Variants in RIMS2 observed in about 807,000 individuals in gnomAD.
The protein encoded by RIMS2 is regulating synaptic membrane exocytosis 2, also known as regulating synaptic membrane exocytosis protein 2.
A neutral mutation model predicts 174.4 loss-of-function variants in RIMS2; 59 were observed. That is an observed-to-expected ratio of 0.34 (90% CI 0.27 to 0.42). RIMS2 has a LOEUF of 0.42. RIMS2 is among the 10% of genes least tolerant of loss of function. The pLI is 1.00. For synonymous variants in RIMS2, 606 were observed against 572.5 expected (o/e 1.06, Z -0.84); for missense variants, 1,620 against 1,666.3 (o/e 0.97, Z 0.48).
At chr8:104,224,307 C>G (rs1049155665) in intron 19 of RIMS2, among the ~76,000 whole-genome samples, 2 of 152,142 alleles carry the variant, frequency 1.3e-5, no homozygotes, top group African/African-American at 2.4e-5. Flanking sequence ...AGTTTGTGCT[C>G]AAGGCACAAT....
chr8:103,893,754 A>G (rs112178454), intron 4 of RIMS2, among the ~76,000 whole-genome samples: 1,758 of 152,136 alleles, frequency 0.012, 43 homozygotes, highest in African/African-American at 0.04. Context: ...CGGTTCTTTC[A>G]TTGATACTTT....
intron 20 of RIMS2, 99 bp downstream of exon 26, chr8:104,245,156 C>T (rs1421555621): frequency 8.2e-7 from 1 of 1,213,296 alleles, no homozygotes; most frequent in Non-Finnish European, 1.2e-6. Context: ...CTCTTCAGAA[C>T]CACTTTAATT....
chr8:103,650,836 AG>A (rs1211839071), intron 1 of RIMS2, among the ~76,000 whole-genome samples: 9 of 152,224 alleles, frequency 5.9e-5, no homozygotes, highest in African/African-American at 2.2e-4. Context: ...GTCCTGACTC[AG>A]GCAGACTCCA....
intron 19 of RIMS2, among the ~76,000 whole-genome samples, chr8:104,224,260 T>G (rs980002666): frequency 3.9e-5 from 6 of 152,164 alleles, no homozygotes; most frequent in Admixed American, 1.3e-4. Flanking sequence ...GGTTACACAG[T>G]GGACAGACAG....
chr8:103,774,556 T>C (rs780327646), intron 3 of RIMS2, among the ~76,000 whole-genome samples: 2 of 152,164 alleles, frequency 1.3e-5, no homozygotes, highest in Non-Finnish European at 2.9e-5. Context: ...CTCAAAATCA[T>C]TGTGATGAAT....
chr8:103,794,279 C>T (rs2098530883), intron 3 of RIMS2, among the ~76,000 whole-genome samples: 2 of 152,062 alleles, frequency 1.3e-5, no homozygotes, highest in South Asian at 4.1e-4. Flanking sequence ...AAGAATACCA[C>T]ACATCTAAAA....
At chr8:103,660,293 C>T (rs916375531) in intron 1 of RIMS2, among the ~76,000 whole-genome samples, 4 of 152,232 alleles carry the variant, frequency 2.6e-5, no homozygotes, top group Non-Finnish European at 4.4e-5. Flanking sequence ...ACCACAAGAT[C>T]ATGGCGGGCA....
chr8:103,671,695 A>C (rs1593492), intron 1 of RIMS2, among the ~76,000 whole-genome samples: 26,831 of 152,198 alleles, frequency 0.18, 2,569 homozygotes, highest in African/African-American at 0.24. Flanking sequence ...CAAAGACACA[A>C]GTGAGAAGAA....
At chr8:103,515,318 T>G (rs1161942866) in intron 1 of RIMS2, among the ~76,000 whole-genome samples, 1 of 152,214 alleles carries the variant, frequency 6.6e-6, no homozygotes, top group African/African-American at 2.4e-5. Context: ...TCATATTCAT[T>G]AATATACTTT....
chr8:103,810,048 C>T (rs2098676814), intron 3 of RIMS2, among the ~76,000 whole-genome samples: 1 of 152,084 alleles, frequency 6.6e-6, no homozygotes, highest in Non-Finnish European at 1.5e-5. Flanking sequence ...TACACAAATC[C>T]CTTATGTCCT....
chr8:103,825,453 T>TTTTTG (rs2098783719), intron 3 of RIMS2, among the ~76,000 whole-genome samples: 1 of 149,946 alleles, frequency 6.7e-6, no homozygotes, highest in South Asian at 2.1e-4. Flanking sequence ...CTAATTTTTT[T>TTTTTG]TTTTTTTTTT....
chr8:104,173,829 A>G (rs1252532271), intron 19 of RIMS2, among the ~76,000 whole-genome samples: 1 of 150,788 alleles, frequency 6.6e-6, no homozygotes, highest in Non-Finnish European at 1.5e-5. Context: ...GGGGTTTCAC[A>G]GTGTTAGCCA....
intron 1 of RIMS2, among the ~76,000 whole-genome samples, chr8:103,640,674 G>T (rs1257699485): frequency 1.3e-5 from 2 of 151,912 alleles, no homozygotes; most frequent in South Asian, 2.1e-4. Context: ...CACTATAGTT[G>T]TGCTGTTAAT....
rs149126290 is a variant in RIMS2 at position 104,093,392 on chromosome 8, A to G, written c.3334+78777A>G. 1.0e-3 allele frequency: 1,051 copies of G among 1,016,060 alleles called. 7 individuals are homozygous for G. In the African/African-American group the frequency reaches 0.016, roughly 16 times the overall value. The allele number at this position is 1,016,060 out of a possible 1,614,324, so 62.9% of individuals were successfully genotyped here. On this transcript the variant is annotated intron_variant, in intron 19 of 23. Transcript: ENST00000504942. ...GTTTCCTCTGTGGACAATTAAAGTG[A>G]TGAAATAGGAGAAAGCTAATAATTG...
At chr8:103,832,443 T>G (rs1227056776) in intron 3 of RIMS2, among the ~76,000 whole-genome samples, 2 of 152,162 alleles carry the variant, frequency 1.3e-5, no homozygotes, top group African/African-American at 4.8e-5. Context: ...GGTAAACTTA[T>G]GTCATGGGGG....
At chr8:104,189,870 T>C (rs555120751) in intron 19 of RIMS2, among the ~76,000 whole-genome samples, 2 of 152,092 alleles carry the variant, frequency 1.3e-5, no homozygotes, top group East Asian at 3.9e-4. Flanking sequence ...ATATCAGAGC[T>C]GGAAGGGACC....
intron 19 of RIMS2, among the ~76,000 whole-genome samples, chr8:104,186,027 T>C (rs79831828): frequency 0.012 from 1,746 of 151,674 alleles, 35 homozygotes; most frequent in African/African-American, 0.041. Flanking sequence ...TATATACATA[T>C]ATATATGGAG....
rs1255281211 is a variant in RIMS2, at chr8:104,173,721, C to T, written c.3335-71195C>T. 1.0e-3 allele frequency among the ~76,000 whole-genome samples: 149 copies of T among 142,554 alleles called. 3 individuals are homozygous for T. The highest frequency in any genetic ancestry group is 0.01 in the Admixed American group (145 of 13,926). 93.5% of individuals were successfully genotyped at this position (142,554 alleles called of 152,430 possible). On this transcript the variant is annotated intron_variant, in intron 19 of 23. Coordinates refer to ENST00000504942, the Ensembl canonical transcript of RIMS2. Reference sequence around the variant, plus strand: ...CTGGCTCACTGCAAGCTCCACCTCCCGGGTTCACGCCATTCTCCTGCTTCA... The same window carrying T: ...CTGGCTCACTGCAAGCTCCACCTCCTGGGTTCACGCCATTCTCCTGCTTCA...
At chr8:104,019,653 T>C (rs2096032006) in intron 19 of RIMS2, among the ~76,000 whole-genome samples, 1 of 152,234 alleles carries the variant, frequency 6.6e-6, no homozygotes, top group Admixed American at 6.5e-5. Context: ...TTTCTAGACA[T>C]GTAGAATTGC....
Sources: allele counts gnomAD v4.1 joint callset (sites outside exome capture counted in the v4.1 genomes callset), GRCh38; gene constraint gnomAD v4.1.1; transcripts MANE v1.5; gene names NCBI Gene and HGNC (gene_info 2026-07-23, HGNC 2026-07-21).